Variants in PZP observed in about 807,000 individuals in gnomAD.
PZP encodes the protein pregnancy zone protein.
In PZP, 150 loss-of-function variants were observed where a neutral mutation model predicts 179.8. That is an observed-to-expected ratio of 0.83 (90% CI 0.73 to 0.96). PZP has a LOEUF of 0.96. PZP is among the 40% of genes least tolerant of loss of function. PZP has a pLI of 0.00. For missense variants in PZP, 1,689 were observed against 1,764.0 expected, an observed-to-expected ratio of 0.96 and a Z score of 0.76; for synonymous variants, 624 against 652.3, an observed-to-expected ratio of 0.96 and a Z score of 0.66.
At chr12:9,182,167 G>T in intron 13 of PZP, 50 bp from the exon 14 acceptor site, 2 of 1,548,022 alleles carry the variant, frequency 1.3e-6, no homozygotes, top group Non-Finnish European at 1.8e-6. Context: ...AGACAAAAAG[G>T]TCATAAAAAT....
intron 24 of PZP, 77 bp from the exon 25 acceptor site, chr12:9,160,102 C>A: frequency 7.2e-7 from 1 of 1,384,932 alleles, no homozygotes; most frequent in South Asian, 1.2e-5. Flanking sequence ...CTCATGCATC[C>A]AGGCGCCATG....
chr12:9,175,068 A>T (rs1349484230), intron 15 of PZP, among the ~76,000 whole-genome samples: 1 of 152,358 alleles, frequency 6.6e-6, no homozygotes, highest in Non-Finnish European at 1.5e-5. Flanking sequence ...ACTTTACTAC[A>T]AGGTTACAGT....
chr12:9,207,729 T>C (rs959161191), intron 1 of PZP, among the ~76,000 whole-genome samples: 2 of 152,180 alleles, frequency 1.3e-5, no homozygotes, highest in Admixed American at 1.3e-4. Context: ...CTAGACACTA[T>C]AGAGGAGAGG....
At chr12:9,193,721 G>T (rs1361702239) in intron 11 of PZP, among the ~76,000 whole-genome samples, 2 of 151,924 alleles carry the variant, frequency 1.3e-5, no homozygotes, top group South Asian at 4.2e-4. Context: ...TATATTAAGT[G>T]TGTGTGTGTG....
intron 17 of PZP, chr12:9,167,649 T>C (rs1941685515): frequency 6.6e-6 from 1 of 152,238 alleles, no homozygotes; most frequent in South Asian, 2.1e-4. Context: ...TCAGTTTTCT[T>C]AGCTCTTTTA....
At position 9,169,319 on chromosome 12, in the gene PZP, A is replaced by G. The variant is rs1337732839; in HGVS notation, c.2001+111T>C. On this transcript the variant is annotated intron_variant, in intron 16 of 35. Transcript: ENST00000261336. ...TTATTGGCTTCATTTTTGTCTGCTG[A>G]AAAATGGAGAGGCAAGGCTACATAA... is the stretch of plus-strand genomic sequence containing the variant. 2.7e-6 allele frequency: 3 copies of G among 1,093,786 alleles called. No individual in the cohort carries two copies. In the African/African-American group the frequency reaches 4.9e-5, roughly 18 times the overall value. 67.8% of individuals were successfully genotyped at this position (1,093,786 alleles called of 1,614,324 possible).
At chr12:9,191,672 T>G (rs1943464421) in intron 13 of PZP, among the ~76,000 whole-genome samples, 1 of 152,166 alleles carries the variant, frequency 6.6e-6, no homozygotes, top group Non-Finnish European at 1.5e-5. Flanking sequence ...GGTTCTCTTT[T>G]CAGTGGTTTA....
At chr12:9,141,586 A>G in the PZP span, among the ~76,000 whole-genome samples, 1 of 152,184 alleles carries the variant, frequency 6.6e-6, no homozygotes, top group Non-Finnish European at 1.5e-5. Context: ...TTTCCTTTAC[A>G]ATTAACCTTC....
At chr12:9,148,248 A>G (rs1428201503), downstream of PZP, among the ~76,000 whole-genome samples, 1 of 152,170 alleles carries the variant, frequency 6.6e-6, no homozygotes, top group African/African-American at 2.4e-5. Flanking sequence ...TCTACTCCTT[A>G]GCATTTTTCA....
intron 11 of PZP, among the ~76,000 whole-genome samples, chr12:9,193,278 G>C (rs753450276): frequency 6.6e-6 from 1 of 151,892 alleles, no homozygotes; most frequent in Non-Finnish European, 1.5e-5. Context: ...TTTCCCTTGT[G>C]GTAACTGCTC....
chr12:9,180,224 G>A (rs66981032), intron 15 of PZP, among the ~76,000 whole-genome samples: 25,888 of 151,992 alleles, frequency 0.17, 2,922 homozygotes, highest in Admixed American at 0.3. Context: ...ATGCTGGTGC[G>A]CAAGGTAATT....
At chr12:9,154,535 C>T (rs1940599668) in intron 29 of PZP, 81 bp downstream of exon 29, 1 of 1,304,816 alleles carries the variant, frequency 7.7e-7, no homozygotes, top group African/African-American at 1.5e-5. Flanking sequence ...ATTGCCTTCT[C>T]TTTTCCATTA....
chr12:9,145,790 T>C (rs1939978464), downstream of PZP, among the ~76,000 whole-genome samples: 1 of 152,204 alleles, frequency 6.6e-6, no homozygotes, highest in Non-Finnish European at 1.5e-5. Context: ...CTCCTCCATT[T>C]TTGATGGACA....
chr12:9,173,894 T>C (rs1038870078), intron 15 of PZP, among the ~76,000 whole-genome samples: 5 of 152,096 alleles, frequency 3.3e-5, no homozygotes, highest in Admixed American at 1.3e-4. Flanking sequence ...AATTCTACCA[T>C]AGGTACAAAG....
At position 9,196,705 on chromosome 12, in the gene PZP, C is replaced by A; in HGVS notation, c.868-20G>T. The A allele has an allele frequency of 1.3e-6, 2 of 1,523,020 alleles. No individual in the cohort carries two copies. The highest frequency in any genetic ancestry group is 1.8e-6 in the Non-Finnish European group (2 of 1,097,480). 94.3% of individuals were successfully genotyped at this position (1,523,020 alleles called of 1,614,324 possible). On this transcript the variant is annotated intron_variant, in intron 8 of 35. Coordinates refer to ENST00000261336, the MANE Select transcript of PZP (RefSeq NM_002864.3). ...GTTAAGCTGAGAAAAATACCAAAAC[C>A]AATAAATGTCAAACTGATTGAGATC...
chr12:9,184,105 A>G (rs879598256), intron 13 of PZP, among the ~76,000 whole-genome samples: 1 of 152,254 alleles, frequency 6.6e-6, no homozygotes, highest in Non-Finnish European at 1.5e-5. Flanking sequence ...GTAGGAAATT[A>G]AAGCTTTTAA....
chr12:9,196,350 C>A lies in PZP; in HGVS notation c.1072G>T (p.Gly358Ter). ...CTTACCTGTGCAAAAAAGGGGATTCCTTGTCTAAAGTGTGAATCCACTTTC... is the reference window on the plus strand; with the variant it reads ...CTTACCTGTGCAAAAAAGGGGATTCATTGTCTAAAGTGTGAATCCACTTTC... ...FVKVDSHFRQ[G>*]IPFFAQVLLV... The change falls in exon 10 of 36, where the codon GGA becomes TGA. Residue 358 changes from glycine to a stop codon, truncating the protein, a stop_gained. Coordinates refer to ENST00000261336, the MANE Select transcript of PZP (RefSeq NM_002864.3). LOFTEE classifies it high-confidence loss of function. The A allele has an allele frequency of 6.2e-7, 1 of 1,610,942 alleles. No homozygotes were observed. The highest frequency in any genetic ancestry group is 8.5e-7 in the Non-Finnish European group (1 of 1,177,280).
intron 22 of PZP, among the ~76,000 whole-genome samples, chr12:9,161,607 A>G (rs2120677371): frequency 6.6e-6 from 1 of 152,290 alleles, no homozygotes; most frequent in South Asian, 2.1e-4. Flanking sequence ...TAAGACTTAT[A>G]ACCATGATAA....
Position 9,181,101 on chromosome 12 carries a change from G to A in PZP, c.1721C>T (p.Pro574Leu), listed in dbSNP as rs1246091343. The A allele has an allele frequency of 1.9e-6, 3 of 1,613,994 alleles. No homozygotes were observed. Among genetic ancestry groups the A allele is most frequent in the African/African-American group, 1.3e-5 (1 of 74,926 alleles). The change falls in exon 15 of 36, where the codon CCC (proline) becomes CTC (leucine). Residue 574 changes from proline (P) to leucine (L), a missense_variant. By Grantham distance (98) the Pro-to-Leu change is moderately conservative. Coordinates refer to ENST00000261336, the MANE Select transcript of PZP (RefSeq NM_002864.3). ...VDLSFSPAQS[P>L]PASHAHLQVA... ...TTGCAGGTGGGCATGTGAGGCTGGG[G>A]GACTTTGTGCTGGGCTGAAGCTCAA...
Sources: gnomAD v4.1 joint callset for allele counts (sites outside exome capture counted in the v4.1 genomes callset) on GRCh38, gnomAD v4.1.1 for gene constraint, MANE v1.5 for transcripts, NCBI Gene and HGNC (gene_info 2026-07-23, HGNC 2026-07-21) for gene names.